SH3GL3: variants seen among roughly 807,000 people sequenced by gnomAD.
SH3GL3 encodes endophilin-A3.
In SH3GL3, 33 loss-of-function variants were observed where a neutral mutation model predicts 47.7. That is an observed-to-expected ratio of 0.69 (90% CI 0.52 to 0.92). The LOEUF (loss-of-function observed/expected upper bound fraction) is 0.92, where lower values mean the gene tolerates loss of function less well. SH3GL3 is among the 40% of genes least tolerant of loss of function. The probability of loss-of-function intolerance (pLI) is 0.00; values close to 1 mark genes in which losing one functional copy is unlikely to be tolerated. For synonymous variants in SH3GL3, 155 were observed against 148.8 expected (o/e 1.04, Z -0.30); for missense variants, 363 against 417.8 (o/e 0.87, Z 1.14).
chr15:83,497,247 G>A (rs901939597), intron 1 of SH3GL3, among the ~76,000 whole-genome samples: 1 of 152,092 alleles, frequency 6.6e-6, no homozygotes, highest in African/African-American at 2.4e-5. Context: ...CGTGGTAGTA[G>A]TCCTACCTTC....
At chr15:83,595,744 T>A (rs1369383082) in intron 8 of SH3GL3, among the ~76,000 whole-genome samples, 1 of 152,132 alleles carries the variant, frequency 6.6e-6, no homozygotes, top group Non-Finnish European at 1.5e-5. Context: ...TTCAAGGAAT[T>A]TATCCCTTTC....
chr15:83,619,405 G>C (rs2060902837), downstream of SH3GL3, among the ~76,000 whole-genome samples: 1 of 152,142 alleles, frequency 6.6e-6, no homozygotes, highest in South Asian at 2.1e-4. Flanking sequence ...ACACACACTG[G>C]GGCCTGTTGC....
chr15:83,596,992 A>G (rs2060251501), intron 8 of SH3GL3, among the ~76,000 whole-genome samples: 1 of 152,100 alleles, frequency 6.6e-6, no homozygotes, highest in South Asian at 2.1e-4. Flanking sequence ...TAGCATATCT[A>G]TTGAATTTCT....
intron 3 of SH3GL3, chr15:83,565,766 T>C (rs910877696): frequency 2.6e-5 from 4 of 152,130 alleles, no homozygotes; most frequent in Non-Finnish European, 4.4e-5. Context: ...TAGGAACCAA[T>C]AGAGGGCGCC....
intron 4 of SH3GL3, among the ~76,000 whole-genome samples, chr15:83,572,111 G>T (rs2045848258): frequency 1.3e-5 from 2 of 152,196 alleles, no homozygotes; most frequent in Non-Finnish European, 2.9e-5. Context: ...GCCTTGAGAA[G>T]ATCCCACGGC....
In SH3GL3 at chr15:83,493,200, T is replaced by G. The variant is rs139616811; in HGVS notation, c.45+45622T>G. On this transcript the variant is annotated intron_variant, in intron 1 of 8. Coordinates refer to ENST00000427482, the MANE Select transcript of SH3GL3 (RefSeq NM_003027.5). The stretch of plus-strand genomic sequence containing the variant: ...TATTTACAAATGAGATGATACGATG[T>G]CTGTGGTTTGCTTTAAAATAATCCA... Among the ~76,000 whole-genome samples the G allele has an allele frequency of 4.8e-3, 731 of 152,286 alleles. 3 individuals are homozygous for G. The highest frequency in any genetic ancestry group is 0.031 in the Middle Eastern group (9 of 294).
intron 1 of SH3GL3, among the ~76,000 whole-genome samples, chr15:83,458,011 T>C (rs2040083746): frequency 6.6e-6 from 1 of 152,210 alleles, no homozygotes; most frequent in Non-Finnish European, 1.5e-5. Context: ...GTAAATTAAT[T>C]TCCCAAAGTT....
intron 8 of SH3GL3, among the ~76,000 whole-genome samples, chr15:83,610,504 C>T (rs779701639): frequency 3.4e-5 from 5 of 149,086 alleles, no homozygotes; most frequent in Non-Finnish European, 5.9e-5. Context: ...TACTGCAGCT[C>T]GAGGAACAGA....
At chr15:83,471,125 T>C (rs954069995) in intron 1 of SH3GL3, among the ~76,000 whole-genome samples, 2 of 152,174 alleles carry the variant, frequency 1.3e-5, no homozygotes, top group Non-Finnish European at 2.9e-5. Context: ...CTGTTTTTTA[T>C]TGTTTCTTTT....
intron 1 of SH3GL3, among the ~76,000 whole-genome samples, chr15:83,546,439 C>G (rs2044402035): frequency 6.6e-6 from 1 of 151,550 alleles, no homozygotes; most frequent in African/African-American, 2.4e-5. Context: ...GGGTTCCCTT[C>G]TGGCCCAGGG....
chr15:83,473,981 G>A (rs984385217), intron 1 of SH3GL3, among the ~76,000 whole-genome samples: 9 of 151,966 alleles, frequency 5.9e-5, no homozygotes, highest in Admixed American at 5.9e-4. Flanking sequence ...GGGTCCCAGG[G>A]TCCCAAGCTG....
intron 8 of SH3GL3, among the ~76,000 whole-genome samples, chr15:83,600,441 T>C (rs2060349620): frequency 6.6e-6 from 1 of 152,218 alleles, no homozygotes; most frequent in Non-Finnish European, 1.5e-5. Context: ...ATTTGTTGAA[T>C]AGGGTGTCCT....
intron 1 of SH3GL3, among the ~76,000 whole-genome samples, chr15:83,532,401 G>T (rs2043717011): frequency 6.6e-6 from 1 of 152,120 alleles, no homozygotes; most frequent in Non-Finnish European, 1.5e-5. Context: ...TTGAGAAAAA[G>T]AAATTATAAA....
intron 8 of SH3GL3, among the ~76,000 whole-genome samples, chr15:83,601,556 G>T (rs2060379511): frequency 6.6e-6 from 1 of 152,152 alleles, no homozygotes; most frequent in Non-Finnish European, 1.5e-5. Flanking sequence ...CCACTTGATT[G>T]TGGTGGATTA....
In SH3GL3 at chr15:83,448,075, A is replaced by G. The variant is rs1019771885; in HGVS notation, c.45+497A>G. ...GTCCCGCTGAGCTCCCCGCGCGCGC[A>G]TCGAAATGGCCCCGTCTGGACTGTG... On this transcript the variant is annotated intron_variant, in intron 1 of 8. Coordinates refer to ENST00000427482, the MANE Select transcript of SH3GL3 (RefSeq NM_003027.5). This position sits in a 1 kb window ranked among gnomAD's most constrained non-coding sequence, Gnocchi z 4.2. 1.3e-5 allele frequency among the ~76,000 whole-genome samples: 2 copies of G among 152,028 alleles called. No homozygotes were observed. The highest frequency in any genetic ancestry group is 2.9e-5 in the Non-Finnish European group (2 of 67,992).
At chr15:83,602,602 A>T (rs1213086772) in intron 8 of SH3GL3, among the ~76,000 whole-genome samples, 1 of 152,154 alleles carries the variant, frequency 6.6e-6, no homozygotes, top group Non-Finnish European at 1.5e-5. Context: ...ATACTATTGC[A>T]TTGGAGATTA....
At chr15:83,535,090 C>A in intron 1 of SH3GL3, among the ~76,000 whole-genome samples, 1 of 140,674 alleles carries the variant, frequency 7.1e-6, no homozygotes, top group African/African-American at 2.7e-5. Flanking sequence ...AAAATACCAT[C>A]TATGTAAAAA....
chr15:83,602,400 C>T (rs972345475), intron 8 of SH3GL3, among the ~76,000 whole-genome samples: 2 of 152,106 alleles, frequency 1.3e-5, no homozygotes, highest in Non-Finnish European at 1.5e-5. Context: ...AATCAAGGTG[C>T]CAGCAGAACT....
At chr15:83,556,886 G>A (rs2044987602) in intron 1 of SH3GL3, among the ~76,000 whole-genome samples, 1 of 152,228 alleles carries the variant, frequency 6.6e-6, no homozygotes, top group African/African-American at 2.4e-5. Flanking sequence ...GATGGCCCGA[G>A]GTTGCTCAGG....
Sources: allele counts gnomAD v4.1 joint callset (sites outside exome capture counted in the v4.1 genomes callset), GRCh38; gene constraint gnomAD v4.1.1; non-coding constraint Gnocchi (gnomAD v3.1); transcripts MANE v1.5; gene names NCBI Gene and HGNC (gene_info 2026-07-23, HGNC 2026-07-21).